The following ABHD2 variants were observed in gnomAD, a reference collection of about 807,000 sequenced individuals.
ABHD2 encodes the protein monoacylglycerol lipase ABHD2.
In ABHD2, 20 loss-of-function variants were observed where a neutral mutation model predicts 48.1. That is an observed-to-expected ratio of 0.42 (90% CI 0.29 to 0.60). The LOEUF is 0.60. ABHD2 is among the 20% of genes least tolerant of loss of function. The probability of loss-of-function intolerance (pLI) is 0.24; values close to 1 mark genes in which losing one functional copy is unlikely to be tolerated. For synonymous variants in ABHD2, 209 were observed against 214.2 expected (o/e 0.98, Z 0.21); for missense variants, 405 against 550.9 (o/e 0.74, Z 2.65).
rs1174841910 is a variant in ABHD2 at position 89,193,504 on chromosome 15, G to A, written c.1081+185G>A. 4.8e-5 allele frequency: 29 copies of A among 609,858 alleles called. No individual in the cohort carries two copies. The East Asian group carries it at 8.0e-4, about 17-fold the overall frequency. 37.8% of individuals were successfully genotyped at this position (609,858 alleles called of 1,614,324 possible). A position where few individuals can be genotyped will look rare whatever the true frequency, so the allele number is the denominator to read the frequency against. On this transcript the variant is annotated intron_variant, in intron 10 of 10. Transcript: ENST00000352732. ...GGCTGTGATGGGGCTTGGGCATCAG[G>A]CCTCCCTCGTGTTCCTCCCAGGGCA...
In ABHD2 at chr15:89,199,369, T is replaced by A. The variant is rs1426729557; in HGVS notation, c.*3946T>A. Reference sequence around the variant, plus strand: ...TTGTCCTTTAGGCAGGACAGGAGAGTCATTAAGAAGCATTTCACTGTAGCA... The same window carrying A: ...TTGTCCTTTAGGCAGGACAGGAGAGACATTAAGAAGCATTTCACTGTAGCA... On this transcript the variant is annotated 3_prime_UTR_variant, in exon 11 of 11. Coordinates refer to ENST00000352732, the MANE Select transcript of ABHD2 (RefSeq NM_152924.5). The surrounding 1 kb of genome is among the most constrained non-coding windows in gnomAD (Gnocchi z 4.1). 1.3e-5 allele frequency: 2 copies of A among 152,260 alleles called. No homozygotes were observed. The highest frequency in any genetic ancestry group is 4.8e-5 in the African/African-American group (2 of 41,296). 9.4% of individuals were successfully genotyped at this position (152,260 alleles called of 1,614,324 possible). A position where few individuals can be genotyped will look rare whatever the true frequency, so the allele number is the denominator to read the frequency against.
At chr15:89,083,101 C>T (rs147157664), upstream of ABHD2, among the ~76,000 whole-genome samples, 626 of 152,244 alleles carry the variant, frequency 4.1e-3, 7 homozygotes, top group African/African-American at 0.014. The surrounding 1 kb of genome is among the most constrained non-coding windows in gnomAD (Gnocchi z 5.1). Flanking sequence ...GTGATCCACC[C>T]GCCTGGGCCT....
intron 1 of ABHD2, among the ~76,000 whole-genome samples, chr15:89,110,899 C>G (rs1326196358): frequency 7.2e-5 from 11 of 152,114 alleles, no homozygotes; most frequent in Admixed American, 7.2e-4. Flanking sequence ...ACTCAAGGTC[C>G]CCTTACATAA....
chr15:89,201,326 G>T lies in ABHD2; in HGVS notation c.*5903G>T. The T allele has an allele frequency of 9.5e-7, 1 of 1,052,496 alleles. No individual in the cohort carries two copies. Among genetic ancestry groups the T allele is most frequent in the Non-Finnish European group, 1.5e-6 (1 of 683,740 alleles). 65.2% of individuals were successfully genotyped at this position (1,052,496 alleles called of 1,614,324 possible). On this transcript the variant is annotated 3_prime_UTR_variant, in exon 11 of 11. Coordinates refer to ENST00000352732, the MANE Select transcript of ABHD2 (RefSeq NM_152924.5). Reference sequence around the variant, plus strand: ...CCTTGTTTCAGTATCATGAAGTGAAGCACTGTGTGGTTGTGGCGTGGGCCC... The same window carrying T: ...CCTTGTTTCAGTATCATGAAGTGAATCACTGTGTGGTTGTGGCGTGGGCCC...
chr15:89,146,735 G>A lies in ABHD2; in HGVS notation c.195-4942G>A, dbSNP rs1032564343. ...ACAGAAAGACATGCAAATTAGCGTA[G>A]TAAAAATGGAATATTCTGTAAAACA... is the stretch of plus-strand genomic sequence containing the variant. On this transcript the variant is annotated intron_variant, in intron 3 of 10. Coordinates refer to ENST00000352732, the MANE Select transcript of ABHD2 (RefSeq NM_152924.5). The surrounding 1 kb of genome is among the most constrained non-coding windows in gnomAD (Gnocchi z 4.2). Among the ~76,000 whole-genome samples the A allele has an allele frequency of 6.6e-6, 1 of 152,068 alleles. No individual in the cohort carries two copies. The highest frequency in any genetic ancestry group is 1.5e-5 in the Non-Finnish European group (1 of 68,018).
chr15:89,132,389 A>T (rs76528611), intron 3 of ABHD2, among the ~76,000 whole-genome samples: 3,202 of 152,354 alleles, frequency 0.021, 106 homozygotes, highest in African/African-American at 0.074. Context: ...ATAGAATTTT[A>T]TGCAGACGTT....
intron 5 of ABHD2, among the ~76,000 whole-genome samples, chr15:89,163,816 C>T (rs769718150): frequency 5.3e-5 from 8 of 152,226 alleles, no homozygotes; most frequent in Non-Finnish European, 8.8e-5. Context: ...AAATCAGTCA[C>T]ACCCCTTTTA....
the ABHD2 span, among the ~76,000 whole-genome samples, chr15:89,075,799 A>G: frequency 6.6e-6 from 1 of 152,170 alleles, no homozygotes; most frequent in South Asian, 2.1e-4. This position sits in a 1 kb window ranked among gnomAD's most constrained non-coding sequence, Gnocchi z 4.1. Context: ...GGACTGAAGA[A>G]TCAGGCACAG....
At chr15:89,129,215 G>A (rs534417483) in intron 3 of ABHD2, among the ~76,000 whole-genome samples, 8 of 152,176 alleles carry the variant, frequency 5.3e-5, no homozygotes, top group Admixed American at 3.9e-4. Context: ...GTGGGGGTGG[G>A]CAGAGAGAGA....
intron 4 of ABHD2, among the ~76,000 whole-genome samples, chr15:89,153,700 A>G (rs7182418): frequency 2.6e-5 from 4 of 152,192 alleles, no homozygotes. Flanking sequence ...TTTTCTGACT[A>G]TAAAAGAAGT....
At chr15:89,059,315 A>G in the ABHD2 span, among the ~76,000 whole-genome samples, 1 of 152,164 alleles carries the variant, frequency 6.6e-6, no homozygotes, top group Non-Finnish European at 1.5e-5. Flanking sequence ...GTGGCTAGAC[A>G]AGCTGGCATG....
chr15:89,114,360 C>T lies in ABHD2; in HGVS notation c.-7+536C>T, dbSNP rs1224243030. Among the ~76,000 whole-genome samples the T allele has an allele frequency of 6.6e-6, 1 of 152,184 alleles. No homozygotes were observed. The highest frequency in any genetic ancestry group is 2.4e-5 in the African/African-American group (1 of 41,438). ...GGGGTTCTTAGACCGCAGGATCCCACAGGGAACCCACAGACCCCAAGTTAA... is the reference window on the plus strand; with the variant it reads ...GGGGTTCTTAGACCGCAGGATCCCATAGGGAACCCACAGACCCCAAGTTAA... On this transcript the variant is annotated intron_variant, in intron 2 of 10. Coordinates refer to ENST00000352732, the MANE Select transcript of ABHD2 (RefSeq NM_152924.5). This position sits in a 1 kb window ranked among gnomAD's most constrained non-coding sequence, Gnocchi z 4.2.
Position 89,201,253 on chromosome 15 carries a change from T to G in ABHD2, c.*5830T>G. On this transcript the variant is annotated 3_prime_UTR_variant, in exon 11 of 11. Transcript: ENST00000352732. ...CTCTCAGGTGTTGATTTGCTTCTGA[T>G]AGCTTCATCATTTCTCCCTGAAGTC... The G allele has an allele frequency of 8.1e-7, 1 of 1,241,974 alleles. No individual in the cohort carries two copies. Among genetic ancestry groups the G allele is most frequent in the Non-Finnish European group, 1.2e-6 (1 of 858,468 alleles). 76.9% of individuals were successfully genotyped at this position (1,241,974 alleles called of 1,614,324 possible). A position where few individuals can be genotyped will look rare whatever the true frequency, so the allele number is the denominator to read the frequency against.
intron 5 of ABHD2, among the ~76,000 whole-genome samples, chr15:89,159,192 C>CGATTTCT (rs1567096613): frequency 6.6e-6 from 1 of 151,942 alleles, no homozygotes; most frequent in East Asian, 1.9e-4. Flanking sequence ...GCCTGGCCAA[C>CGATTTCT]ATGGTGAAAC....
chr15:89,069,102 TTTTTC>T, the ABHD2 span, among the ~76,000 whole-genome samples: 9 of 141,270 alleles, frequency 6.4e-5, no homozygotes, highest in South Asian at 2.3e-4. Flanking sequence ...GCAAGCTCTT[TTTTTC>T]TTTTCTTTTC....
rs1351721078 is a variant in ABHD2, at chr15:89,102,951, G to A, written c.-106-10774G>A. Among the ~76,000 whole-genome samples the A allele has an allele frequency of 6.6e-6, 1 of 152,246 alleles. No homozygotes were observed. Among genetic ancestry groups the A allele is most frequent in the Admixed American group, 6.5e-5 (1 of 15,294 alleles). On this transcript the variant is annotated intron_variant, in intron 1 of 10. Transcript: ENST00000352732. This position sits in a 1 kb window ranked among gnomAD's most constrained non-coding sequence, Gnocchi z 4.8. ...AACTTACTTCCAGAGTGGGAGGCAG[G>A]AGGAGTGAGCCTTGGAACAATAGTG...
chr15:89,149,911 A>C (rs1006006116), intron 3 of ABHD2, among the ~76,000 whole-genome samples: 1 of 151,890 alleles, frequency 6.6e-6, no homozygotes, highest in African/African-American at 2.4e-5. Context: ...TGGCGGGTGG[A>C]TGATGGAGTA....
At chr15:89,162,403 C>T (rs1038463263) in intron 5 of ABHD2, among the ~76,000 whole-genome samples, 2 of 152,100 alleles carry the variant, frequency 1.3e-5, no homozygotes, top group African/African-American at 4.8e-5. Context: ...TTAATAGGTC[C>T]CCAACCAAGT....
In ABHD2 at chr15:89,113,758, G is replaced by T. The variant is rs770067453; in HGVS notation, c.-73G>T. 3 of 152,196 alleles carry T rather than the reference G, an allele frequency of 2.0e-5. No individual in the cohort carries two copies. The highest frequency in any genetic ancestry group is 2.9e-5 in the Non-Finnish European group (2 of 68,036). 9.4% of individuals were successfully genotyped at this position (152,196 alleles called of 1,614,324 possible). A position where few individuals can be genotyped will look rare whatever the true frequency, so the allele number is the denominator to read the frequency against. On this transcript the variant is annotated 5_prime_UTR_variant, in exon 2 of 11. Coordinates refer to ENST00000352732, the MANE Select transcript of ABHD2 (RefSeq NM_152924.5). ...TTTGTTTGAATAAGAGATCTGACCT[G>T]ACCGGCCCAACTGTACAACTCTTCA...
Sources: gnomAD v4.1 joint callset for allele counts (sites outside exome capture counted in the v4.1 genomes callset) on GRCh38, gnomAD v4.1.1 for gene constraint, Gnocchi (gnomAD v3.1) non-coding constraint, MANE v1.5 for transcripts, NCBI Gene and HGNC (gene_info 2026-07-23, HGNC 2026-07-21) for gene names.